The following RBFOX1 variants were observed in gnomAD, a reference collection of about 807,000 sequenced individuals.
The protein encoded by RBFOX1 is RNA binding protein fox-1 homolog 1.
RBFOX1 carries 8 observed loss-of-function variants against 57.7 expected under a neutral mutation model. That is an observed-to-expected ratio of 0.14 (90% CI 0.08 to 0.25). The LOEUF (loss-of-function observed/expected upper bound fraction) is 0.25, where lower values mean the gene tolerates loss of function less well. Among genes scored for constraint, RBFOX1 ranks in the 10% least tolerant of loss-of-function variants. The pLI is 1.00. For missense variants in RBFOX1, 611 were observed against 548.5 expected (o/e 1.11, Z -1.14); for synonymous variants, 326 against 222.4 (o/e 1.47, Z -4.15).
chr16:6,910,668 G>C (rs1385565887), intron 3 of RBFOX1, among the ~76,000 whole-genome samples: 1 of 152,176 alleles, frequency 6.6e-6, no homozygotes, highest in Non-Finnish European at 1.5e-5. Flanking sequence ...GGATTACGAG[G>C]CTCGTGGCCC....
intron 2 of RBFOX1, among the ~76,000 whole-genome samples, chr16:5,553,881 G>A (rs2045569120): frequency 6.6e-6 from 1 of 151,722 alleles, no homozygotes; most frequent in Admixed American, 6.6e-5. Flanking sequence ...ATATGTCTGG[G>A]TACCCTGTGG....
chr16:5,768,784 G>T (rs929515733), intron 3 of RBFOX1, among the ~76,000 whole-genome samples: 1 of 152,196 alleles, frequency 6.6e-6, no homozygotes, highest in African/African-American at 2.4e-5. Flanking sequence ...AATGGCTTCT[G>T]TTGTGTCCAA....
chr16:7,155,750 C>G (rs1191342472), intron 4 of RBFOX1, among the ~76,000 whole-genome samples: 1 of 137,374 alleles, frequency 7.3e-6, no homozygotes, highest in Non-Finnish European at 1.5e-5. Flanking sequence ...CACACACACA[C>G]ACACACACAC....
intron 2 of RBFOX1, among the ~76,000 whole-genome samples, chr16:6,612,855 A>AT (rs1459157201): frequency 2.2e-4 from 13 of 59,860 alleles, no homozygotes; most frequent in Admixed American, 5.1e-4. Context: ...CTCTCAAAAA[A>AT]AAAAAAAAAA....
intron 3 of RBFOX1, among the ~76,000 whole-genome samples, chr16:5,815,077 G>C (rs551345460): frequency 1.3e-5 from 2 of 151,854 alleles, no homozygotes; most frequent in East Asian, 3.9e-4. Flanking sequence ...CCAACCTCCT[G>C]GGTTCAACAA....
chr16:7,388,576 G>A (rs562549694), intron 4 of RBFOX1, among the ~76,000 whole-genome samples: 1 of 149,832 alleles, frequency 6.7e-6, no homozygotes, highest in Non-Finnish European at 1.5e-5. Context: ...ACCTCATATG[G>A]TTCTAGGGAG....
intron 1 of RBFOX1, among the ~76,000 whole-genome samples, chr16:6,042,564 G>A (rs1231706162): frequency 3.9e-5 from 6 of 152,098 alleles, no homozygotes; most frequent in Non-Finnish European, 8.8e-5. Context: ...GGAATAGGAG[G>A]TAGAGATCTT....
chr16:6,987,346 G>C (rs1457130025), intron 3 of RBFOX1, among the ~76,000 whole-genome samples: 2 of 152,018 alleles, frequency 1.3e-5, no homozygotes, highest in Non-Finnish European at 2.9e-5. Flanking sequence ...GAACAAGAGA[G>C]AATGAGTAGT....
chr16:7,441,774 G>A (rs1013694347), intron 4 of RBFOX1, among the ~76,000 whole-genome samples: 1 of 152,184 alleles, frequency 6.6e-6, no homozygotes, highest in African/African-American at 2.4e-5. Flanking sequence ...GTGTGGAGAT[G>A]AGCTTTCCAC....
At chr16:7,204,818 C>T (rs1267306459) in intron 4 of RBFOX1, among the ~76,000 whole-genome samples, 2 of 152,102 alleles carry the variant, frequency 1.3e-5, no homozygotes, top group African/African-American at 4.8e-5. Flanking sequence ...TTGGTAACTC[C>T]TCATTTTCCC....
intron 3 of RBFOX1, among the ~76,000 whole-genome samples, chr16:6,961,934 C>G (rs969016228): frequency 2.0e-5 from 3 of 150,192 alleles, no homozygotes; most frequent in Admixed American, 1.3e-4. Context: ...TGAGCTGTGT[C>G]TTGTGCAGAC....
At chr16:5,281,146 TA>T (rs1286317596) in intron 1 of RBFOX1, among the ~76,000 whole-genome samples, 1 of 152,130 alleles carries the variant, frequency 6.6e-6, no homozygotes, top group Non-Finnish European at 1.5e-5. Flanking sequence ...ATTTTCTGTT[TA>T]AAAAATTTTT....
At chr16:5,868,125 A>G (rs1181352698) in intron 4 of RBFOX1, among the ~76,000 whole-genome samples, 2 of 152,190 alleles carry the variant, frequency 1.3e-5, no homozygotes, top group Admixed American at 6.5e-5. Flanking sequence ...CAAGGTGACC[A>G]CCCATTGGAA....
Position 6,839,115 on chromosome 16 carries a change from G to C in RBFOX1, c.-16+184465G>C, listed in dbSNP as rs142442005. ...TTCTCCCGCCTCAGCCTCCCAAGTA[G>C]GTGAGATTACAGGCACACACCACCA... On this transcript the variant is annotated intron_variant, in intron 3 of 15. Transcript: ENST00000550418. Among the ~76,000 whole-genome samples the C allele has an allele frequency of 3.2e-3, 479 of 149,578 alleles. 4 individuals are homozygous for C. The highest frequency in any genetic ancestry group is 0.011 in the African/African-American group (450 of 41,260).
chr16:5,698,041 G>C (rs766226611), intron 3 of RBFOX1, among the ~76,000 whole-genome samples: 30 of 152,214 alleles, frequency 2.0e-4, no homozygotes, highest in Non-Finnish European at 3.1e-4. Flanking sequence ...TACCTTAATA[G>C]GAGTTCTGGT....
At chr16:5,561,576 G>C (rs957507599) in intron 2 of RBFOX1, among the ~76,000 whole-genome samples, 2 of 152,022 alleles carry the variant, frequency 1.3e-5, no homozygotes, top group Admixed American at 1.3e-4. Flanking sequence ...TAGACACCAG[G>C]GAAGGGGTGA....
intron 1 of RBFOX1, among the ~76,000 whole-genome samples, chr16:5,418,176 C>A (rs900101340): frequency 1.3e-5 from 2 of 152,172 alleles, no homozygotes; most frequent in African/African-American, 4.8e-5. Flanking sequence ...TTTCTTATGC[C>A]CATCTTTAAA....
At chr16:7,213,096 A>G (rs1162986095) in intron 4 of RBFOX1, among the ~76,000 whole-genome samples, 1 of 152,186 alleles carries the variant, frequency 6.6e-6, no homozygotes, top group Non-Finnish European at 1.5e-5. Flanking sequence ...CTTTACTGCT[A>G]ATAGGGGTTG....
chr16:5,734,321 G>C (rs1428806658), intron 3 of RBFOX1, among the ~76,000 whole-genome samples: 1 of 152,152 alleles, frequency 6.6e-6, no homozygotes, highest in Non-Finnish European at 1.5e-5. Context: ...TTTTCTACTT[G>C]GGATTCTGAG....
Sources: allele counts gnomAD v4.1 joint callset (sites outside exome capture counted in the v4.1 genomes callset), GRCh38; gene constraint gnomAD v4.1.1; transcripts MANE v1.5; gene names NCBI Gene and HGNC (gene_info 2026-07-23, HGNC 2026-07-21).